Variants in RORA observed in about 807,000 individuals in gnomAD.
The protein encoded by RORA is RAR related orphan receptor A.
Under a neutral mutation model 69.5 loss-of-function variants are expected in RORA, and 7 were observed. The ratio of observed to expected loss-of-function variants is 0.10; its 90% CI spans 0.06 to 0.19. RORA has a LOEUF of 0.19. RORA is among the 10% of genes least tolerant of loss of function. The pLI, the probability that RORA is intolerant of heterozygous loss-of-function variation, is 1.00. For missense variants in RORA, 457 were observed against 663.0 expected, an observed-to-expected ratio of 0.69 and a Z score of 3.41; for synonymous variants, 261 against 240.8, an observed-to-expected ratio of 1.08 and a Z score of -0.78.
intron 1 of RORA, among the ~76,000 whole-genome samples, chr15:61,146,691 A>T (rs1223214974): frequency 2.0e-5 from 3 of 152,262 alleles, no homozygotes; most frequent in Non-Finnish European, 4.4e-5. Context: ...AACAAAAAAT[A>T]ATTAAAATGA....
intron 1 of RORA, among the ~76,000 whole-genome samples, chr15:60,776,120 G>C (rs1186864275): frequency 6.6e-6 from 1 of 152,152 alleles, no homozygotes; most frequent in Admixed American, 6.5e-5. Context: ...CTAGAATTGA[G>C]TGTAGACAGC....
At chr15:61,004,670 T>C (rs927265099) in intron 1 of RORA, among the ~76,000 whole-genome samples, 4 of 152,162 alleles carry the variant, frequency 2.6e-5, no homozygotes, top group Admixed American at 1.3e-4. Flanking sequence ...TTTAATTTTA[T>C]GCCTCCTGCA....
chr15:60,562,484 G>A (rs1384422564), intron 2 of RORA, among the ~76,000 whole-genome samples: 2 of 151,650 alleles, frequency 1.3e-5, no homozygotes, highest in Non-Finnish European at 2.9e-5. Context: ...CGCCCAGGCT[G>A]GAGTGCAGTG....
intron 1 of RORA, among the ~76,000 whole-genome samples, chr15:60,709,733 T>C (rs911392141): frequency 2.0e-5 from 3 of 151,962 alleles, no homozygotes; most frequent in Non-Finnish European, 4.4e-5. Context: ...CCACTGAGTC[T>C]ACAATGTGGT....
intron 1 of RORA, among the ~76,000 whole-genome samples, chr15:60,939,128 C>G (rs1213546070): frequency 1.3e-5 from 2 of 152,238 alleles, no homozygotes; most frequent in Non-Finnish European, 2.9e-5. Flanking sequence ...TCCACTTTGG[C>G]CTTAGTGCTC....
intron 1 of RORA, among the ~76,000 whole-genome samples, chr15:60,841,921 G>C (rs1192657892): frequency 6.6e-6 from 1 of 152,198 alleles, no homozygotes; most frequent in Non-Finnish European, 1.5e-5. Context: ...TTGGGGGCGT[G>C]GGACCTGGGT....
intron 1 of RORA, among the ~76,000 whole-genome samples, chr15:60,992,523 C>T (rs189403089): frequency 6.6e-6 from 1 of 152,146 alleles, no homozygotes; most frequent in Non-Finnish European, 1.5e-5. Flanking sequence ...TCCTATCCCC[C>T]ACAAGTGGGT....
At chr15:60,707,530 A>G (rs537306493) in intron 1 of RORA, among the ~76,000 whole-genome samples, 1 of 151,504 alleles carries the variant, frequency 6.6e-6, no homozygotes, top group East Asian at 1.9e-4. Context: ...CGCCTGGCTA[A>G]TTTTTTGTAT....
intron 1 of RORA, among the ~76,000 whole-genome samples, chr15:61,103,860 A>C (rs1018465612): frequency 6.6e-6 from 1 of 151,852 alleles, no homozygotes; most frequent in African/African-American, 2.4e-5. Context: ...AGACCTCGGC[A>C]AGCACCACAA....
rs549823005 is a variant in RORA, at chr15:60,817,708, T to C, written c.167-139022A>G. ...CCAGGTACACGTTACTGCCTTCCCATGTGTGGGCTGAGGCCCCTCTAGGGT... is the reference window on the plus strand; with the variant it reads ...CCAGGTACACGTTACTGCCTTCCCACGTGTGGGCTGAGGCCCCTCTAGGGT... On this transcript the variant is annotated intron_variant, in intron 1 of 10. Coordinates refer to ENST00000335670, the MANE Select transcript of RORA (RefSeq NM_134261.3). 4.6e-5 allele frequency among the ~76,000 whole-genome samples: 7 copies of C among 152,346 alleles called. No individual in the cohort carries two copies. In the East Asian group the frequency reaches 1.2e-3, roughly 25 times the overall value.
In RORA at chr15:60,732,289, T is replaced by C. The variant is rs978156961; in HGVS notation, c.167-53603A>G. Among the ~76,000 whole-genome samples the C allele has an allele frequency of 3.3e-5, 5 of 151,974 alleles. No individual in the cohort carries two copies. The East Asian group carries it at 9.7e-4, about 29-fold the overall frequency. The stretch of plus-strand genomic sequence containing the variant: ...GAATCTAACAGGAAGAGGATGTGAG[T>C]GTCAAATTGTTGGATTATATAAGAT... On this transcript the variant is annotated intron_variant, in intron 1 of 10. Coordinates refer to ENST00000335670, the MANE Select transcript of RORA (RefSeq NM_134261.3).
intron 1 of RORA, among the ~76,000 whole-genome samples, chr15:60,810,955 C>A (rs1435350246): frequency 6.6e-6 from 1 of 152,186 alleles, no homozygotes; most frequent in Admixed American, 6.5e-5. Flanking sequence ...CTTCTTTGGT[C>A]TTTTATTCCT....
chr15:61,121,275 A>G (rs1596007182), intron 1 of RORA, among the ~76,000 whole-genome samples: 1 of 152,198 alleles, frequency 6.6e-6, no homozygotes, highest in Non-Finnish European at 1.5e-5. Flanking sequence ...GCACAGAGCT[A>G]GCAGGAAGTG....
At chr15:60,849,176 C>G (rs926317640) in intron 1 of RORA, 1 of 152,130 alleles carries the variant, frequency 6.6e-6, no homozygotes, top group African/African-American at 2.4e-5. Context: ...TATTTTCTGT[C>G]TCTCCTGACT....
chr15:60,963,145 A>G (rs1308024444), intron 1 of RORA, among the ~76,000 whole-genome samples: 2 of 152,222 alleles, frequency 1.3e-5, no homozygotes, highest in African/African-American at 4.8e-5. Flanking sequence ...GGCAGATATG[A>G]CTATCCCCAT....
intron 2 of RORA, among the ~76,000 whole-genome samples, chr15:60,597,549 A>ACACACACACAAC (rs1335197252): frequency 2.7e-5 from 1 of 37,560 alleles, no homozygotes; most frequent in Non-Finnish European, 4.7e-5. Flanking sequence ...ACACACACAC[A>ACACACACACAAC]ACATATATAT....
chr15:60,723,695 C>T (rs1300556079), intron 1 of RORA, among the ~76,000 whole-genome samples: 1 of 152,150 alleles, frequency 6.6e-6, no homozygotes, highest in Non-Finnish European at 1.5e-5. Flanking sequence ...TCCATCCATC[C>T]ATCCTGCCAT....
intron 1 of RORA, among the ~76,000 whole-genome samples, chr15:60,858,974 C>G (rs2073409320): frequency 7.0e-6 from 1 of 141,992 alleles, no homozygotes; most frequent in Non-Finnish European, 1.6e-5. Context: ...CTTTCATAGG[C>G]TTCATCTTTT....
intron 1 of RORA, among the ~76,000 whole-genome samples, chr15:61,199,813 G>C (rs1236526889): frequency 6.6e-6 from 1 of 152,174 alleles, no homozygotes; most frequent in Non-Finnish European, 1.5e-5. Context: ...GCTGACAATG[G>C]CATATACCTG....
Sources: gnomAD v4.1 joint callset for allele counts (sites outside exome capture counted in the v4.1 genomes callset) on GRCh38, gnomAD v4.1.1 for gene constraint, MANE v1.5 for transcripts, NCBI Gene and HGNC (gene_info 2026-07-23, HGNC 2026-07-21) for gene names.